DOK6: variants seen among roughly 807,000 people sequenced by gnomAD.
DOK6 encodes downstream of tyrosine kinase 6.
A neutral mutation model predicts 44.0 loss-of-function variants in DOK6; 22 were observed. That is an observed-to-expected ratio of 0.50 (90% CI 0.36 to 0.71). The LOEUF (loss-of-function observed/expected upper bound fraction) is 0.71. Ranked by LOEUF, DOK6 falls within the 30% of genes least tolerant of loss-of-function variation. The pLI, the probability that DOK6 is intolerant of heterozygous loss-of-function variation, is 0.00. For missense variants in DOK6, 340 were observed against 416.4 expected, an observed-to-expected ratio of 0.82 and a Z score of 1.60; for synonymous variants, 166 against 145.5, an observed-to-expected ratio of 1.14 and a Z score of -1.01.
intron 7 of DOK6, among the ~76,000 whole-genome samples, chr18:69,803,837 C>CG (rs1555671959): frequency 6.6e-6 from 1 of 152,032 alleles, no homozygotes; most frequent in Non-Finnish European, 1.5e-5. Flanking sequence ...CCAGCCTGGG[C>CG]ACAGAGCAAG....
chr18:69,462,007 A>AT (rs1433227579), intron 1 of DOK6, among the ~76,000 whole-genome samples: 1 of 152,002 alleles, frequency 6.6e-6, no homozygotes, highest in Non-Finnish European at 1.5e-5. Context: ...TTTCCCTTGC[A>AT]TTTTCAAAAG....
At chr18:69,625,890 G>C (rs541270191) in intron 3 of DOK6, among the ~76,000 whole-genome samples, 2 of 152,188 alleles carry the variant, frequency 1.3e-5, no homozygotes, top group Non-Finnish European at 2.9e-5. Context: ...GTTACTAAAA[G>C]GCAGTTGATG....
chr18:69,804,455 A>G (rs11151542), intron 7 of DOK6, among the ~76,000 whole-genome samples: 80,669 of 151,994 alleles, frequency 0.53, 25,498 homozygotes, highest in East Asian at 0.75. Flanking sequence ...ATATATACAT[A>G]TATACAATCA....
chr18:69,702,867 G>A (rs116387954), intron 5 of DOK6, among the ~76,000 whole-genome samples: 1 of 152,080 alleles, frequency 6.6e-6, no homozygotes, highest in African/African-American at 2.4e-5. Flanking sequence ...CCTAAAAGGC[G>A]ACCAAAACTG....
intron 3 of DOK6, among the ~76,000 whole-genome samples, chr18:69,649,569 C>G (rs1476069557): frequency 6.6e-6 from 1 of 152,130 alleles, no homozygotes; most frequent in East Asian, 1.9e-4. Flanking sequence ...TTTTCTGCAT[C>G]CCCCTTCTTA....
At chr18:69,681,616 G>T (rs750941215) in intron 4 of DOK6, among the ~76,000 whole-genome samples, 1 of 152,172 alleles carries the variant, frequency 6.6e-6, no homozygotes, top group Non-Finnish European at 1.5e-5. Context: ...ACAGGAAAGT[G>T]CATACTTGGT....
intron 1 of DOK6, among the ~76,000 whole-genome samples, chr18:69,505,332 A>G (rs892202914): frequency 6.6e-6 from 1 of 151,988 alleles, no homozygotes; most frequent in Non-Finnish European, 1.5e-5. Context: ...TGCGGTAACT[A>G]CTATCTAATT....
chr18:69,627,534 T>C (rs1045729179), intron 3 of DOK6, among the ~76,000 whole-genome samples: 21 of 152,292 alleles, frequency 1.4e-4, no homozygotes, highest in Admixed American at 7.2e-4. Context: ...CTGCAACCTC[T>C]GCCTCCCGGG....
At chr18:69,420,179 T>C (rs1978448048) in intron 1 of DOK6, among the ~76,000 whole-genome samples, 1 of 152,094 alleles carries the variant, frequency 6.6e-6, no homozygotes, top group African/African-American at 2.4e-5. Flanking sequence ...GAGAGTTTGT[T>C]TTAAAGGCTA....
intron 5 of DOK6, among the ~76,000 whole-genome samples, chr18:69,701,512 C>T (rs1436747908): frequency 6.6e-6 from 1 of 152,174 alleles, no homozygotes; most frequent in Non-Finnish European, 1.5e-5. Flanking sequence ...GCTGACTTGA[C>T]ATTTTTACTT....
At chr18:69,418,464 C>G (rs1978397881) in intron 1 of DOK6, among the ~76,000 whole-genome samples, 1 of 151,872 alleles carries the variant, frequency 6.6e-6, no homozygotes, top group African/African-American at 2.4e-5. Flanking sequence ...AAATATTAAA[C>G]AGCTTTCCTT....
At chr18:69,594,069 T>C (rs1983683380) in intron 2 of DOK6, among the ~76,000 whole-genome samples, 1 of 152,182 alleles carries the variant, frequency 6.6e-6, no homozygotes, top group Non-Finnish European at 1.5e-5. Context: ...TAAGCTTTAT[T>C]TCAGAACACG....
chr18:69,764,173 A>C (rs780754963), intron 7 of DOK6, among the ~76,000 whole-genome samples: 132 of 152,064 alleles, frequency 8.7e-4, no homozygotes, highest in Non-Finnish European at 1.5e-3. Context: ...TGATGGCTCA[A>C]AATCCGTCTC....
At chr18:69,692,868 AATTTT>A (rs1986298841) in intron 4 of DOK6, among the ~76,000 whole-genome samples, 1 of 152,236 alleles carries the variant, frequency 6.6e-6, no homozygotes, top group Non-Finnish European at 1.5e-5. Context: ...TGTAAGTATT[AATTTT>A]ATTTATGTTA....
chr18:69,521,137 T>C (rs1981673037), intron 1 of DOK6, among the ~76,000 whole-genome samples: 1 of 151,940 alleles, frequency 6.6e-6, no homozygotes, highest in Non-Finnish European at 1.5e-5. Flanking sequence ...ATTTTTCTAT[T>C]TTATGTAACC....
At chr18:69,833,179 G>A (rs1354971594) in intron 7 of DOK6, among the ~76,000 whole-genome samples, 1 of 152,118 alleles carries the variant, frequency 6.6e-6, no homozygotes, top group African/African-American at 2.4e-5. Context: ...CAATGGTATA[G>A]TAACAAAAAC....
chr18:69,700,374 T>C lies in DOK6; in HGVS notation c.599+1781T>C, dbSNP rs77331027. ...ATCTTCCTCTTTCTATGGAAAACAA[T>C]TTAACTATTTTGTCTGTTACAACGT... On this transcript the variant is annotated intron_variant, in intron 5 of 7. Transcript: ENST00000382713. Among the ~76,000 whole-genome samples, 694 of 152,040 alleles carry C rather than the reference T, an allele frequency of 4.6e-3. 3 individuals carry two copies. The highest frequency in any genetic ancestry group is 0.016 in the African/African-American group (675 of 41,516).
chr18:69,781,207 C>A (rs1480577391), intron 7 of DOK6: 1 of 151,954 alleles, frequency 6.6e-6, no homozygotes, highest in Non-Finnish European at 1.5e-5. Flanking sequence ...GGATTTTTTT[C>A]TATAGTGCTA....
chr18:69,806,996 A>G (rs188865958), intron 7 of DOK6, among the ~76,000 whole-genome samples: 50 of 152,110 alleles, frequency 3.3e-4, no homozygotes, highest in Middle Eastern at 3.4e-3. Context: ...GTCAGGTTAC[A>G]TAGTTTTATT....
Sources: allele counts gnomAD v4.1 joint callset (sites outside exome capture counted in the v4.1 genomes callset), GRCh38; gene constraint gnomAD v4.1.1; transcripts MANE v1.5; gene names NCBI Gene and HGNC (gene_info 2026-07-23, HGNC 2026-07-21).